TEX15: variants seen among roughly 807,000 people sequenced by gnomAD.
TEX15 encodes the protein testis-expressed protein 15.
In TEX15, 171 loss-of-function variants were observed where a neutral mutation model predicts 237.3. The ratio of observed to expected loss-of-function variants is 0.72; its 90% CI spans 0.64 to 0.82. TEX15 has a LOEUF of 0.82. Among genes scored for constraint, TEX15 ranks in the 40% least tolerant of loss-of-function variants. The pLI, the probability that TEX15 is intolerant of heterozygous loss-of-function variation, is 0.00. For synonymous variants in TEX15, 1,338 were observed against 1,269.8 expected, an observed-to-expected ratio of 1.05 and a Z score of -1.14; for missense variants, 3,750 against 3,646.5, an observed-to-expected ratio of 1.03 and a Z score of -0.73.
At position 30,837,265 on chromosome 8, in the gene TEX15, C is replaced by T. The variant is rs1256229599; in HGVS notation, c.9019G>A (p.Val3007Ile). 1.9e-6 allele frequency: 3 copies of T among 1,614,054 alleles called. No homozygotes were observed. Among genetic ancestry groups the T allele is most frequent in the Non-Finnish European group, 2.5e-6 (3 of 1,180,054 alleles). The part of the protein sequence containing the change: ...SEQQNDKNSK[V>I]LMQNAATYWN... ...TATGTGGCAGCATTCTGCATTAGGA[C>T]TTTTGAATTTTTGTCATTCTGTTGT... The change falls in exon 10 of 11, where the codon GTC (valine) becomes ATC (isoleucine). Residue 3007 changes from valine to isoleucine, a missense_variant. Physicochemically the swap from Val to Ile is conservative, Grantham distance 29. Coordinates refer to ENST00000643185, the MANE Select transcript of TEX15 (RefSeq NM_001350162.2).
At chr8:30,839,284 C>CA (rs1457793153) in intron 9 of TEX15, among the ~76,000 whole-genome samples, 1 of 152,170 alleles carries the variant, frequency 6.6e-6, no homozygotes, top group Non-Finnish European at 1.5e-5. Context: ...TCACTGAATT[C>CA]AGCCTCACTG....
At chr8:30,894,139 G>A (rs1248323476) in intron 2 of TEX15, among the ~76,000 whole-genome samples, 1 of 151,970 alleles carries the variant, frequency 6.6e-6, no homozygotes, top group Non-Finnish European at 1.5e-5. Context: ...ACATTTTAAA[G>A]CCTTTCTCAT....
chr8:30,884,979 C>G (rs1563269474), intron 3 of TEX15, among the ~76,000 whole-genome samples: 2 of 152,094 alleles, frequency 1.3e-5, no homozygotes, highest in Non-Finnish European at 2.9e-5. Flanking sequence ...AAATTTCTTT[C>G]TAAGTACTGC....
chr8:30,842,981 C>G lies in TEX15; in HGVS notation c.7186G>C (p.Asp2396His), dbSNP rs1244524308. 6.2e-7 allele frequency: 1 copy of G among 1,612,948 alleles called. No individual in the cohort carries two copies. The highest frequency in any genetic ancestry group is 8.5e-7 in the Non-Finnish European group (1 of 1,179,596). The change falls in exon 8 of 11, where the codon GAT (aspartate) becomes CAT (histidine). Residue 2396 changes from aspartate to histidine, a missense_variant. Transcript: ENST00000643185. ...TATTTTTTTAAAATTTCTAAGTGAT[C>G]TGTACATCTCAAGGTGAGATCCTGT... ...KLQDLTLRCT[D>H]HLEILKKYFQ... is the part of the protein sequence containing the mutation.
chr8:30,898,035 C>T (rs983127462), intron 2 of TEX15, among the ~76,000 whole-genome samples: 3 of 152,030 alleles, frequency 2.0e-5, no homozygotes, highest in Non-Finnish European at 4.4e-5. Flanking sequence ...ATGTTCTAAG[C>T]GATATTTGCA....
intron 4 of TEX15, among the ~76,000 whole-genome samples, chr8:30,872,371 T>A (rs575774094): frequency 1.3e-5 from 2 of 152,284 alleles, no homozygotes; most frequent in African/African-American, 4.8e-5. Flanking sequence ...TCTGTGGTGA[T>A]GGTGGTGCAC....
intron 4 of TEX15, among the ~76,000 whole-genome samples, chr8:30,869,427 G>A (rs1457115465): frequency 7.2e-5 from 11 of 151,916 alleles, no homozygotes. Flanking sequence ...CTTGTAACAA[G>A]ACCAGCTGAA....
Position 30,836,653 on chromosome 8 carries a change from C to A in TEX15, c.9481+150G>T, listed in dbSNP as rs535303657. 5.6e-6 allele frequency: 4 copies of A among 716,138 alleles called. No homozygotes were observed. The East Asian group carries it at 8.2e-5, about 15-fold the overall frequency. 44.4% of individuals were successfully genotyped at this position (716,138 alleles called of 1,614,324 possible). On this transcript the variant is annotated intron_variant, in intron 10 of 10. Coordinates refer to ENST00000643185, the MANE Select transcript of TEX15 (RefSeq NM_001350162.2). ...GACAACTAGATTTCCACCCTCTCTG[C>A]CCAATCCATTGGCAATTCTACAAAT...
Position 30,881,622 on chromosome 8 carries a change from T to A in TEX15, c.136+5545A>T, listed in dbSNP as rs190642024. 8.9e-3 allele frequency among the ~76,000 whole-genome samples: 1,101 copies of A among 124,092 alleles called. 93 individuals are homozygous for A. Among genetic ancestry groups the A allele is most frequent in the Non-Finnish European group, 0.013 (828 of 65,458 alleles). 81.4% of individuals were successfully genotyped at this position (124,092 alleles called of 152,430 possible). On this transcript the variant is annotated intron_variant, in intron 3 of 10. Transcript: ENST00000643185. ...CCTTCCATCTTGACTTTTTATTTTT[T>A]TTTATTATTTTTTTTTTTTGAGACA...
rs755831106 is a variant in TEX15, at chr8:30,848,463, G to A, written c.1704C>T (p.Ser568=). 19 of 1,613,878 alleles carry A rather than the reference G, an allele frequency of 1.2e-5. No homozygotes were observed. Among genetic ancestry groups the A allele is most frequent in the Admixed American group, 3.3e-5 (2 of 59,978 alleles). The change falls in exon 8 of 11, where the codon TCC becomes TCT. Residue 568 remains serine, a synonymous_variant. Coordinates refer to ENST00000643185, the MANE Select transcript of TEX15 (RefSeq NM_001350162.2). ...EEKAQRAQQE[S]GNAYTKEYSS... Reference sequence around the variant, plus strand: ...TGTACTCTTTTGTATAAGCATTACCGGACTCCTGTTGGGCTCTCTGAGCCT... The same window carrying A: ...TGTACTCTTTTGTATAAGCATTACCAGACTCCTGTTGGGCTCTCTGAGCCT...
In TEX15 at chr8:30,847,339, T is replaced by A. The variant is rs747633084; in HGVS notation, c.2828A>T (p.Glu943Val). 2.3e-5 allele frequency: 37 copies of A among 1,613,746 alleles called. No individual in the cohort carries two copies. Among genetic ancestry groups the A allele is most frequent in the Non-Finnish European group, 3.1e-5 (36 of 1,179,924 alleles). The change falls in exon 8 of 11, where the codon GAA becomes GTA. Residue 943 changes from glutamate to valine, a missense_variant. Physicochemically the swap from Glu to Val is moderately radical, Grantham distance 121 (BLOSUM62 -2). Coordinates refer to ENST00000643185, the MANE Select transcript of TEX15 (RefSeq NM_001350162.2). ...SAATALLESE[E>V]DTISAVKQKD... is the part of the protein sequence containing the mutation. ...TTGTTTCACGGCACTAATGGTATCT[T>A]CTTCACTCTCTAATAATGCAGTTGC...
At chr8:30,882,616 T>A (rs1298567152) in intron 3 of TEX15, among the ~76,000 whole-genome samples, 2 of 152,136 alleles carry the variant, frequency 1.3e-5, no homozygotes, top group Admixed American at 1.3e-4. Flanking sequence ...GACATGTATC[T>A]CATGGCCCAA....
At position 30,845,962 on chromosome 8, in the gene TEX15, G is replaced by GTTA; in HGVS notation, c.4202_4204dup (p.Ile1401dup). On this transcript the variant is annotated inframe_insertion, in exon 8 of 11. Coordinates refer to ENST00000643185, the MANE Select transcript of TEX15 (RefSeq NM_001350162.2). ...GCCCTTTCTTTCTTCTCCTACTTTA[G>GTTA]TTATAAGCTGCAAAGATGTGTGAAC... 1.9e-6 allele frequency: 3 copies of GTTA among 1,612,966 alleles called. No individual in the cohort carries two copies. The highest frequency in any genetic ancestry group is 2.5e-6 in the Non-Finnish European group (3 of 1,179,526).
chr8:30,860,144 A>G, intron 5 of TEX15, 87 bp from the exon 6 acceptor site: 1 of 1,188,078 alleles, frequency 8.4e-7, no homozygotes. Context: ...AAAGGCTAAC[A>G]TTGCTTTGTT....
In TEX15 at chr8:30,844,479, A is replaced by C. The variant is rs61732457; in HGVS notation, c.5688T>G (p.Asp1896Glu). 139,739 of 1,612,972 alleles carry C rather than the reference A, an allele frequency of 0.087. 6,747 individuals are homozygous for C. The highest frequency in any genetic ancestry group is 0.12 in the Middle Eastern group (752 of 6,058). The part of the protein sequence containing the change: ...NEKIITTNLI[D>E]SHLSTKNTTT... ...TAGTATTTTTAGTGCTCAGATGGGA[A>C]TCAATCAAGTTAGTTGTAATAATTT... Residue 1896 changes from aspartate (D) to glutamate (E), a missense_variant, in exon 8 of 11, where the codon GAT (aspartate) becomes GAG (glutamate). Physicochemically the swap from Asp to Glu is conservative, Grantham distance 45 (BLOSUM62 2). Coordinates refer to ENST00000643185, the MANE Select transcript of TEX15 (RefSeq NM_001350162.2).
intron 7 of TEX15, among the ~76,000 whole-genome samples, chr8:30,855,897 G>A (rs1344849303): frequency 2.0e-5 from 3 of 152,130 alleles, no homozygotes; most frequent in Admixed American, 1.3e-4. Context: ...TACATTAGTA[G>A]TTGCTTAGGG....
In TEX15 at chr8:30,842,492, T is replaced by TG; in HGVS notation, c.7674dup (p.Lys2559GlnfsTer9). On this transcript the variant is annotated frameshift_variant, in exon 8 of 11. Transcript: ENST00000643185. LOFTEE classifies it high-confidence loss of function. The stretch of plus-strand genomic sequence containing the variant: ...TCAATATATGTGGAAATAAAATACT[T>TG]GGACTTCTTCAGAAGCTTTTTTATT... 6.2e-7 allele frequency: 1 copy of TG among 1,612,920 alleles called. No individual in the cohort carries two copies. The highest frequency in any genetic ancestry group is 8.5e-7 in the Non-Finnish European group (1 of 1,179,786).
intron 7 of TEX15, among the ~76,000 whole-genome samples, chr8:30,857,460 C>T (rs924283169): frequency 1.3e-5 from 2 of 152,050 alleles, no homozygotes; most frequent in Non-Finnish European, 2.9e-5. Flanking sequence ...AAACATTTGA[C>T]AAAAATGAGA....
intron 4 of TEX15, among the ~76,000 whole-genome samples, chr8:30,873,077 C>A (rs1808326409): frequency 6.6e-6 from 1 of 152,056 alleles, no homozygotes; most frequent in Non-Finnish European, 1.5e-5. Context: ...GACGAAATTG[C>A]CCAATGATGC....
Sources: allele counts gnomAD v4.1 joint callset (sites outside exome capture counted in the v4.1 genomes callset), GRCh38; gene constraint gnomAD v4.1.1; transcripts MANE v1.5; gene names NCBI Gene and HGNC (gene_info 2026-07-23, HGNC 2026-07-21).